Variants in ACSS2 observed in about 807,000 individuals in gnomAD.
The protein encoded by ACSS2 is acyl-CoA synthetase short chain family member 2.
ACSS2 carries 58 observed loss-of-function variants against 90.6 expected under a neutral mutation model. The observed-to-expected ratio is 0.64, with a 90% confidence interval of 0.52 to 0.80. ACSS2 has a LOEUF of 0.80. ACSS2 is among the 30% of genes least tolerant of loss of function. ACSS2 has a pLI of 0.00. For missense variants in ACSS2, 759 were observed against 912.0 expected (o/e 0.83, Z 2.16); for synonymous variants, 300 against 330.9 (o/e 0.91, Z 1.01).
chr20:34,922,067 C>T (rs1600358227), intron 13 of ACSS2: 3 of 1,292,752 alleles, frequency 2.3e-6, no homozygotes, highest in African/African-American at 3.0e-5. Flanking sequence ...CCATAAGTCT[C>T]CTAAGGGCGT....
At chr20:34,883,879 G>T (rs2080127321) in intron 2 of ACSS2, among the ~76,000 whole-genome samples, 1 of 152,182 alleles carries the variant, frequency 6.6e-6, no homozygotes, top group Non-Finnish European at 1.5e-5. Flanking sequence ...AATAATTGGG[G>T]TGTTGCTTCT....
rs2081021465 is a variant in ACSS2 at position 34,913,942 on chromosome 20, C to T, written c.643+117C>T. The T allele has an allele frequency of 2.2e-5, 30 of 1,362,568 alleles. No homozygotes were observed. The South Asian group carries it at 3.5e-4, about 16-fold the overall frequency. The allele number at this position is 1,362,568 out of a possible 1,614,324, so 84.4% of individuals were successfully genotyped here. A position where few individuals can be genotyped will look rare whatever the true frequency, so the allele number is the denominator to read the frequency against. On this transcript the variant is annotated intron_variant, in intron 5 of 17. Coordinates refer to ENST00000360596, the MANE Select transcript of ACSS2 (RefSeq NM_018677.4). ...AGAGGGTAGAGACTGCCTGCCTTTTCTCTCCTGGTCCCACCTCAGCTGACC... is the reference window on the plus strand; with the variant it reads ...AGAGGGTAGAGACTGCCTGCCTTTTTTCTCCTGGTCCCACCTCAGCTGACC...
chr20:34,924,642 G>A (rs2081275975), intron 14 of ACSS2, among the ~76,000 whole-genome samples: 1 of 152,108 alleles, frequency 6.6e-6, no homozygotes, highest in South Asian at 2.1e-4. Context: ...CCATGGTGAG[G>A]AGTTTGAATT....
chr20:34,910,716 G>T (rs1257775372), intron 2 of ACSS2, among the ~76,000 whole-genome samples: 2 of 152,206 alleles, frequency 1.3e-5, no homozygotes, highest in Admixed American at 6.5e-5. Flanking sequence ...TGGGAGATAG[G>T]AGTGGGGAGA....
chr20:34,876,888 GTCGGGGGCTCCCTTGGGAA>G, intron 1 of ACSS2, 65 bp downstream of exon 1: 2 of 1,119,104 alleles, frequency 1.8e-6, no homozygotes, highest in Non-Finnish European at 2.3e-6. Flanking sequence ...CCCTGGGGGA[GTCGGGGGCTCCCTTGGGAA>G]GCTGAGGGGT....
intron 2 of ACSS2, chr20:34,908,691 A>G (rs747321011): frequency 7.5e-6 from 2 of 266,830 alleles, no homozygotes; most frequent in Admixed American, 5.5e-5. Context: ...GTGAAACCCC[A>G]TCTCTACTAA....
chr20:34,912,037 C>G (rs1601350598), intron 2 of ACSS2, among the ~76,000 whole-genome samples: 1 of 152,022 alleles, frequency 6.6e-6, no homozygotes, highest in African/African-American at 2.4e-5. Context: ...AGGCTGGTCT[C>G]AAACTCCTGA....
chr20:34,882,939 G>T lies in ACSS2; in HGVS notation c.324G>T (p.Leu108=), dbSNP rs1158061862. 6.2e-7 allele frequency: 1 copy of T among 1,611,308 alleles called. No homozygotes were observed. Among genetic ancestry groups the T allele is most frequent in the Non-Finnish European group, 8.5e-7 (1 of 1,179,284 alleles). The change falls in exon 2 of 18, where the codon CTG becomes CTT. Residue 108 remains leucine (L), a synonymous_variant. Coordinates refer to ENST00000360596, the MANE Select transcript of ACSS2 (RefSeq NM_018677.4). Reference sequence around the variant, plus strand: ...CTACCAACATCTGCTACAATGTACTGGATCGAAATGTCCATGAGAAAAAGC... The same window carrying T: ...CTACCAACATCTGCTACAATGTACTTGATCGAAATGTCCATGAGAAAAAGC... ...GATTNICYNV[L]DRNVHEKKLG...
chr20:34,904,756 G>A (rs893355003), intron 2 of ACSS2, among the ~76,000 whole-genome samples: 2 of 152,100 alleles, frequency 1.3e-5, no homozygotes, highest in Admixed American at 1.3e-4. Context: ...AGATGAGAAG[G>A]ACTAGTGACT....
chr20:34,896,952 C>G (rs936163023), intron 2 of ACSS2, among the ~76,000 whole-genome samples: 1 of 151,944 alleles, frequency 6.6e-6, no homozygotes, highest in South Asian at 2.1e-4. Context: ...ATTGCTTGAA[C>G]CCGGGAGGCG....
chr20:34,921,666 G>C (rs1261956721), intron 12 of ACSS2, 66 bp downstream of exon 12: 18 of 1,612,606 alleles, frequency 1.1e-5, no homozygotes, highest in Non-Finnish European at 1.5e-5. Context: ...ACTTGGCCTA[G>C]TTAGATAGTG....
chr20:34,912,380 G>A (rs927829498), intron 2 of ACSS2: 2 of 152,540 alleles, frequency 1.3e-5, no homozygotes, highest in African/African-American at 4.8e-5. Flanking sequence ...CTGCCTCCTG[G>A]GTTCAAGGGA....
chr20:34,918,036 C>T (rs1326471195), intron 7 of ACSS2, among the ~76,000 whole-genome samples: 1 of 152,156 alleles, frequency 6.6e-6, no homozygotes, highest in Non-Finnish European at 1.5e-5. Context: ...GGATTACAGG[C>T]GTGAGCCACC....
Position 34,919,638 on chromosome 20 carries a change from A to G in ACSS2, c.972+66A>G. ...GTGTGTGTATTATGTAGGGGTAAGA[A>G]GTAAGTTTCTGAGGAAACAAGTAAT... is the stretch of plus-strand genomic sequence containing the variant. On this transcript the variant is annotated intron_variant, in intron 8 of 17. Transcript: ENST00000360596. 4 of 1,513,776 alleles carry G rather than the reference A, an allele frequency of 2.6e-6. No homozygotes were observed. In the South Asian group the frequency reaches 4.8e-5, roughly 18 times the overall value. 93.8% of individuals were successfully genotyped at this position (1,513,776 alleles called of 1,614,324 possible).
At chr20:34,896,983 T>C (rs554759231) in intron 2 of ACSS2, among the ~76,000 whole-genome samples, 1 of 150,922 alleles carries the variant, frequency 6.6e-6, no homozygotes, top group East Asian at 1.9e-4. Context: ...TGAGCCGAGA[T>C]AGCACCACTG....
chr20:34,890,968 C>A (rs1004774804), intron 2 of ACSS2, among the ~76,000 whole-genome samples: 15 of 148,700 alleles, frequency 1.0e-4, no homozygotes, highest in African/African-American at 3.4e-4. Flanking sequence ...AAAAAAAGTC[C>A]CTACCTCCCC....
intron 7 of ACSS2, chr20:34,915,184 C>T (rs1194896871): frequency 6.2e-7 from 1 of 1,613,546 alleles, no homozygotes. Context: ...CTTGGACCCT[C>T]CTCACTACCC....
At chr20:34,898,615 G>A (rs921542999) in intron 2 of ACSS2, among the ~76,000 whole-genome samples, 1 of 152,228 alleles carries the variant, frequency 6.6e-6, no homozygotes, top group African/African-American at 2.4e-5. Context: ...GATACAGAGT[G>A]TCCATTGGTG....
rs2081046581 is a variant in ACSS2 at position 34,914,921 on chromosome 20, C to T, written c.834+484C>T. Among the ~76,000 whole-genome samples the T allele has an allele frequency of 2.0e-5, 3 of 152,240 alleles. No individual in the cohort carries two copies. In the South Asian group the frequency reaches 6.2e-4, roughly 32 times the overall value. On this transcript the variant is annotated intron_variant, in intron 7 of 17. Coordinates refer to ENST00000360596, the MANE Select transcript of ACSS2 (RefSeq NM_018677.4). ...AATGGTAGAAATGCCCAGTGATGGC[C>T]TCCAGGCTGAGCAGCATGAGGGATC... is the stretch of plus-strand genomic sequence containing the variant.
Sources: allele counts gnomAD v4.1 joint callset (sites outside exome capture counted in the v4.1 genomes callset), GRCh38; gene constraint gnomAD v4.1.1; transcripts MANE v1.5; gene names NCBI Gene and HGNC (gene_info 2026-07-23, HGNC 2026-07-21).